TBC1D1: variants seen among roughly 807,000 people sequenced by gnomAD.
The protein encoded by TBC1D1 is TBC1 (tre-2/USP6, BUB2, cdc16) domain family, member 1.
A neutral mutation model predicts 125.6 loss-of-function variants in TBC1D1; 89 were observed. That is an observed-to-expected ratio of 0.71 (90% CI 0.60 to 0.85). The LOEUF is 0.85. Among genes scored for constraint, TBC1D1 ranks in the 40% least tolerant of loss-of-function variants. TBC1D1 has a pLI of 0.00. For missense variants in TBC1D1, 1,377 were observed against 1,469.2 expected, an observed-to-expected ratio of 0.94 and a Z score of 1.03; for synonymous variants, 565 against 564.1, an observed-to-expected ratio of 1.00 and a Z score of -0.02.
chr4:37,973,706 G>A (rs998460446), intron 2 of TBC1D1, among the ~76,000 whole-genome samples: 1 of 152,150 alleles, frequency 6.6e-6, no homozygotes, highest in African/African-American at 2.4e-5. Flanking sequence ...TCTCTAGGTC[G>A]CTCTCTAGCT....
intron 2 of TBC1D1, among the ~76,000 whole-genome samples, chr4:38,013,227 AG>A (rs1173669626): frequency 7.5e-6 from 1 of 133,372 alleles, no homozygotes; most frequent in Non-Finnish European, 1.7e-5. Flanking sequence ...TATGACAGAG[AG>A]ATCTTTAAGG....
chr4:38,084,673 G>A (rs924032818), intron 12 of TBC1D1, among the ~76,000 whole-genome samples: 1 of 151,424 alleles, frequency 6.6e-6, no homozygotes, highest in African/African-American at 2.4e-5. Context: ...TTCCAGAATC[G>A]ATTTATGTTG....
At chr4:38,003,318 G>C (rs1014151675) in intron 2 of TBC1D1, among the ~76,000 whole-genome samples, 1 of 152,100 alleles carries the variant, frequency 6.6e-6, no homozygotes, top group African/African-American at 2.4e-5. Context: ...AAGGAAGGAG[G>C]GGGACATGTT....
At chr4:37,945,559 A>C (rs1297861062) in intron 2 of TBC1D1, among the ~76,000 whole-genome samples, 1 of 143,374 alleles carries the variant, frequency 7.0e-6, no homozygotes, top group South Asian at 2.2e-4. Flanking sequence ...AAAGCCTAGA[A>C]GCAAAAGCCA....
At chr4:38,006,333 A>G (rs890377324) in intron 2 of TBC1D1, among the ~76,000 whole-genome samples, 6 of 152,206 alleles carry the variant, frequency 3.9e-5, no homozygotes, top group Non-Finnish European at 5.9e-5. Flanking sequence ...TAACTGGATT[A>G]GACTTCAACA....
intron 2 of TBC1D1, among the ~76,000 whole-genome samples, chr4:37,921,466 G>C (rs1486703031): frequency 6.6e-6 from 1 of 151,364 alleles, no homozygotes; most frequent in Non-Finnish European, 1.5e-5. Flanking sequence ...GAGTGCAGTG[G>C]CGTGATCTCG....
rs1342950116 is a variant in TBC1D1 at position 38,045,929 on chromosome 4, A to G, written c.1629+26A>G. 3 of 1,593,184 alleles carry G rather than the reference A, an allele frequency of 1.9e-6. No homozygotes were observed. The African/African-American group carries it at 4.0e-5, about 21-fold the overall frequency. ...GTAAGCACATTTCTCTTTATACGACACCCTGAAGAAACCAACAAATAGGTC... is the reference window on the plus strand; with the variant it reads ...GTAAGCACATTTCTCTTTATACGACGCCCTGAAGAAACCAACAAATAGGTC... On this transcript the variant is annotated intron_variant, in intron 10 of 19. Transcript: ENST00000261439.
rs141945952 is a variant in TBC1D1, at chr4:37,934,951, ACTCT to A, written c.417+32450_417+32453del. 9.3e-3 allele frequency among the ~76,000 whole-genome samples: 1,408 copies of A among 151,266 alleles called. 9 individuals are homozygous for A. Among genetic ancestry groups the A allele is most frequent in the Middle Eastern group, 0.062 (18 of 288 alleles). On this transcript the variant is annotated intron_variant, in intron 2 of 19. Coordinates refer to ENST00000261439, the MANE Select transcript of TBC1D1 (RefSeq NM_015173.4). Reference sequence around the variant, plus strand: ...TCTGTGACCCCAGCTGACTGAGTGGACTCTCTCTCTCTCTGGAACATTGCTGCTT... The same window carrying A: ...TCTGTGACCCCAGCTGACTGAGTGGACTCTCTCTCTGGAACATTGCTGCTT...
chr4:38,033,903 T>G (rs903804259), intron 7 of TBC1D1, among the ~76,000 whole-genome samples: 1 of 152,250 alleles, frequency 6.6e-6, no homozygotes, highest in African/African-American at 2.4e-5. Context: ...TACTCAGTTT[T>G]ATAGATGCAC....
At chr4:38,057,948 G>T (rs937746930) in intron 12 of TBC1D1, among the ~76,000 whole-genome samples, 2 of 152,218 alleles carry the variant, frequency 1.3e-5, no homozygotes, top group Non-Finnish European at 2.9e-5. Context: ...ACCCTCTGGA[G>T]GTGGTCCTGC....
intron 1 of TBC1D1, among the ~76,000 whole-genome samples, chr4:37,899,945 C>T (rs1177623157): frequency 6.6e-6 from 1 of 151,250 alleles, no homozygotes. Flanking sequence ...ACGGTGAAAC[C>T]CCGTCTGTAC....
intron 8 of TBC1D1, among the ~76,000 whole-genome samples, chr4:38,043,832 T>C (rs1229253987): frequency 6.6e-6 from 1 of 152,078 alleles, no homozygotes; most frequent in East Asian, 1.9e-4. Flanking sequence ...AGAGAATAGG[T>C]TCTTTAATTG....
intron 1 of TBC1D1, among the ~76,000 whole-genome samples, chr4:37,896,581 T>C (rs1714677006): frequency 6.6e-6 from 1 of 152,092 alleles, no homozygotes; most frequent in African/African-American, 2.4e-5. Flanking sequence ...CTTGTTCCAT[T>C]CTCTTATAAG....
At chr4:37,900,083 T>C (rs1189048714) in intron 1 of TBC1D1, among the ~76,000 whole-genome samples, 1 of 144,200 alleles carries the variant, frequency 6.9e-6, no homozygotes, top group Non-Finnish European at 1.5e-5. Flanking sequence ...ATCGCGCCAC[T>C]GCACTCCAGC....
chr4:38,124,913 CG>C, intron 17 of TBC1D1, 48 bp from the exon 20 acceptor site: 1 of 1,535,278 alleles, frequency 6.5e-7, no homozygotes, highest in Non-Finnish European at 9.0e-7. Context: ...AATGGTATTG[CG>C]TGAGAAACTG....
At chr4:38,110,784 T>C in intron 15 of TBC1D1, 1 of 985,452 alleles carries the variant, frequency 1.0e-6, no homozygotes. Context: ...TCCTGATAGA[T>C]TTGTAGGAAG....
rs192802158 is a variant in TBC1D1 at position 38,101,329 on chromosome 4, A to G, written c.2399-1670A>G. On this transcript the variant is annotated intron_variant, in intron 14 of 19. Transcript: ENST00000261439. Reference sequence around the variant, plus strand: ...GGAGGCTTCCTTTCTCCCAAAAGACAAGAAAGACTTGGCATCTTATTCTTC... The same window carrying G: ...GGAGGCTTCCTTTCTCCCAAAAGACGAGAAAGACTTGGCATCTTATTCTTC... Among the ~76,000 whole-genome samples, 5 of 152,314 alleles carry G rather than the reference A, an allele frequency of 3.3e-5. No individual in the cohort carries two copies. In the East Asian group the frequency reaches 9.7e-4, roughly 29 times the overall value.
At chr4:38,117,230 A>G (rs1365858452) in intron 16 of TBC1D1, among the ~76,000 whole-genome samples, 3 of 152,182 alleles carry the variant, frequency 2.0e-5, no homozygotes, top group Admixed American at 6.5e-5. Context: ...CTCTCAGTTT[A>G]GATAGGACAT....
chr4:37,941,551 C>A, intron 2 of TBC1D1, among the ~76,000 whole-genome samples: 1 of 152,094 alleles, frequency 6.6e-6, no homozygotes, highest in East Asian at 1.9e-4. Context: ...TTAGTTATTT[C>A]TTGCCTTCTG....
Sources: gnomAD v4.1 joint callset for allele counts (sites outside exome capture counted in the v4.1 genomes callset) on GRCh38, gnomAD v4.1.1 for gene constraint, MANE v1.5 for transcripts, NCBI Gene and HGNC (gene_info 2026-07-23, HGNC 2026-07-21) for gene names.